The following KIF2A variants were observed in gnomAD, a reference collection of about 807,000 sequenced individuals.
KIF2A encodes the protein kinesin family member 2A.
Under a neutral mutation model 100.2 loss-of-function variants are expected in KIF2A, and 22 were observed. The observed-to-expected ratio is 0.22, with a 90% CI of 0.16 to 0.31. The LOEUF (loss-of-function observed/expected upper bound fraction) is 0.31. KIF2A is among the 10% of genes least tolerant of loss of function. KIF2A has a pLI of 1.00. For synonymous variants in KIF2A, 268 were observed against 285.9 expected (o/e 0.94, Z 0.63); for missense variants, 495 against 898.7 (o/e 0.55, Z 5.74).
At chr5:62,344,765 T>C (rs1190256643) in intron 1 of KIF2A, among the ~76,000 whole-genome samples, 1 of 152,206 alleles carries the variant, frequency 6.6e-6, no homozygotes, top group African/African-American at 2.4e-5. Context: ...TGCTTTGTGG[T>C]TATGAAAAAT....
intron 11 of KIF2A, among the ~76,000 whole-genome samples, chr5:62,362,130 A>G (rs247270): frequency 0.44 from 66,168 of 151,278 alleles, 14,700 homozygotes; most frequent in East Asian, 0.62. Flanking sequence ...ATGAGTCTCA[A>G]TTGTTGAATT....
chr5:62,357,738 T>TA lies in KIF2A; in HGVS notation c.708dup (p.Glu237ArgfsTer8). 1 of 1,548,640 alleles carries TA rather than the reference T, an allele frequency of 6.5e-7. No individual in the cohort carries two copies. Among genetic ancestry groups the TA allele is most frequent in the Non-Finnish European group, 8.9e-7 (1 of 1,123,964 alleles). Reference sequence around the variant, plus strand: ...TGTGTGTAAGAAAACGACCACTCAATAAAAAAGGTATGGCACTTAATGAGC... The same window carrying TA: ...TGTGTGTAAGAAAACGACCACTCAATAAAAAAAGGTATGGCACTTAATGAGC... On this transcript the variant is annotated frameshift_variant, in exon 8 of 21. Coordinates refer to ENST00000407818, the MANE Select transcript of KIF2A (RefSeq NM_001098511.3). LOFTEE classifies it high-confidence loss of function.
intron 1 of KIF2A, among the ~76,000 whole-genome samples, chr5:62,307,957 C>T (rs1745394889): frequency 1.3e-5 from 2 of 152,190 alleles, no homozygotes. Flanking sequence ...TAACCTTTAG[C>T]CTAGCCTAGT....
chr5:62,352,680 C>A lies in KIF2A; in HGVS notation c.427C>A (p.Gln143Lys). The A allele has an allele frequency of 6.2e-7, 1 of 1,610,660 alleles. No homozygotes were observed. Among genetic ancestry groups the A allele is most frequent in the Non-Finnish European group, 8.5e-7 (1 of 1,178,322 alleles). ...NGSVSDISPV[Q>K]AAKKEFGPPS... ...TAGTGTTTCAGATATATCTCCAGTT[C>A]AAGCTGCAAAAAAGGAATTTGGACC... Residue 143 changes from glutamine (Q) to lysine (K), a missense_variant, in exon 5 of 21, where the codon CAA (glutamine) becomes AAA (lysine). By Grantham distance (53) the Gln-to-Lys change is moderately conservative. Around this residue, in one of 10 missense-constraint regions of KIF2A, gnomAD observed 115 missense variants for 143.6 expected, o/e 0.80. Transcript: ENST00000407818.
chr5:62,385,143 A>C (rs74887796), intron 20 of KIF2A, among the ~76,000 whole-genome samples: 1 of 147,354 alleles, frequency 6.8e-6, no homozygotes, highest in African/African-American at 2.5e-5. Context: ...ACTCCATCTC[A>C]AAAAAAAAAA....
At chr5:62,330,262 G>A (rs1031592236) in intron 1 of KIF2A, among the ~76,000 whole-genome samples, 5 of 152,052 alleles carry the variant, frequency 3.3e-5, no homozygotes, top group South Asian at 2.1e-4. Context: ...GAGATGGGAG[G>A]ATCACTTGAG....
At chr5:62,367,253 G>GT (rs964180034) in intron 16 of KIF2A, among the ~76,000 whole-genome samples, 71 of 151,268 alleles carry the variant, frequency 4.7e-4, no homozygotes, top group East Asian at 3.9e-4. Flanking sequence ...TCTTTCTGGT[G>GT]TTTTTTTTGT....
At chr5:62,379,870 C>T (rs1389842821) in intron 19 of KIF2A, among the ~76,000 whole-genome samples, 1 of 152,102 alleles carries the variant, frequency 6.6e-6, no homozygotes, top group Non-Finnish European at 1.5e-5. Flanking sequence ...CCAAATAGCT[C>T]TTTAATTCAG....
At chr5:62,330,297 A>T (rs1339507746) in intron 1 of KIF2A, among the ~76,000 whole-genome samples, 2 of 152,184 alleles carry the variant, frequency 1.3e-5, no homozygotes, top group Non-Finnish European at 1.5e-5. Context: ...GTTTCAGTGA[A>T]CTAAGATTGC....
In KIF2A at chr5:62,388,972, T is replaced by C. The variant is rs1742164512; in HGVS notation, c.*3403T>C. The C allele has an allele frequency of 8.9e-6, 14 of 1,571,190 alleles. No homozygotes were observed. The highest frequency in any genetic ancestry group is 1.2e-5 in the Non-Finnish European group (14 of 1,149,616). ...AAATACAAAAAATACAAAATTCATT[T>C]CTTTTCTTGACCTTGAAAATTTCTG... On this transcript the variant is annotated 3_prime_UTR_variant, in exon 21 of 21. Coordinates refer to ENST00000407818, the MANE Select transcript of KIF2A (RefSeq NM_001098511.3).
chr5:62,339,860 T>TA (rs1747194925), intron 1 of KIF2A, among the ~76,000 whole-genome samples: 1 of 151,414 alleles, frequency 6.6e-6, no homozygotes, highest in South Asian at 2.1e-4. Context: ...GTGTGTGTGT[T>TA]ACATTTAAAG....
At chr5:62,365,150 C>T in intron 14 of KIF2A, 93 bp from the exon 15 acceptor site, 1 of 582,346 alleles carries the variant, frequency 1.7e-6, no homozygotes, top group Non-Finnish European at 2.9e-6. Context: ...CTTAAATGTT[C>T]AAGTTGTAGT....
At chr5:62,366,560 G>A (rs1398617352) in intron 16 of KIF2A, 79 bp downstream of exon 16, 7 of 856,110 alleles carry the variant, frequency 8.2e-6, no homozygotes, top group Admixed American at 2.3e-5. Context: ...TGCCTCGTGC[G>A]GTGGCTCACG....
chr5:62,351,101 A>G (rs1050157373), intron 4 of KIF2A, among the ~76,000 whole-genome samples: 2 of 149,744 alleles, frequency 1.3e-5, no homozygotes, highest in Non-Finnish European at 1.5e-5. Flanking sequence ...GTGCAGTGAC[A>G]CATACCTGTA....
intron 5 of KIF2A, 45 bp from the exon 6 acceptor site, chr5:62,353,230 C>A: frequency 8.5e-7 from 1 of 1,170,014 alleles, no homozygotes; most frequent in Non-Finnish European, 1.2e-6. Context: ...TATTAGTACT[C>A]TAAAAAAGAA....
At position 62,364,295 on chromosome 5, in the gene KIF2A, G is replaced by A. The variant is rs190995627; in HGVS notation, c.1467+396G>A. Among the ~76,000 whole-genome samples the A allele has an allele frequency of 7.1e-3, 1,081 of 152,022 alleles. 14 individuals are homozygous for A. The highest frequency in any genetic ancestry group is 0.023 in the African/African-American group (935 of 41,474). ...CTCCAGGAGCTGGGATTACAGGCAC[G>A]CACCACCACACCCAGCTAATTTTTG... On this transcript the variant is annotated intron_variant, in intron 14 of 20. Coordinates refer to ENST00000407818, the MANE Select transcript of KIF2A (RefSeq NM_001098511.3).
chr5:62,325,028 A>C (rs924338191), intron 1 of KIF2A, among the ~76,000 whole-genome samples: 1 of 152,328 alleles, frequency 6.6e-6, no homozygotes, highest in Non-Finnish European at 1.5e-5. Context: ...AAAATGGGCA[A>C]AGGGACACAC....
chr5:62,333,346 G>A (rs942422348), intron 1 of KIF2A, among the ~76,000 whole-genome samples: 5 of 152,154 alleles, frequency 3.3e-5, no homozygotes, highest in African/African-American at 1.2e-4. Flanking sequence ...AGGCTGAGGC[G>A]GCAGTCGCTG....
At chr5:62,331,838 G>A (rs1467580444) in intron 1 of KIF2A, among the ~76,000 whole-genome samples, 1 of 150,276 alleles carries the variant, frequency 6.7e-6, no homozygotes, top group Non-Finnish European at 1.5e-5. Flanking sequence ...AAAACTGCTT[G>A]GATCTGAAAA....
Sources: gnomAD v4.1 joint callset for allele counts (sites outside exome capture counted in the v4.1 genomes callset) on GRCh38, gnomAD v4.1.1 for gene constraint, gnomAD v4.1.1 regional missense constraint, MANE v1.5 for transcripts, NCBI Gene and HGNC (gene_info 2026-07-23, HGNC 2026-07-21) for gene names.